Variants in DENND3 observed in about 807,000 individuals in gnomAD.
DENND3 encodes the protein DENN domain containing 3.
In DENND3, 88 loss-of-function variants were observed where a neutral mutation model predicts 135.1. The observed-to-expected ratio is 0.65, with a 90% confidence interval of 0.55 to 0.78. The LOEUF is 0.78. Among genes scored for constraint, DENND3 ranks in the 30% least tolerant of loss-of-function variants. DENND3 has a pLI of 0.00. For synonymous variants in DENND3, 693 were observed against 712.3 expected (o/e 0.97, Z 0.43); for missense variants, 1,392 against 1,688.4 (o/e 0.82, Z 3.08).
At chr8:141,143,515 C>T (rs747773814) in intron 4 of DENND3, among the ~76,000 whole-genome samples, 16 of 152,166 alleles carry the variant, frequency 1.1e-4, no homozygotes, top group Non-Finnish European at 2.2e-4. Flanking sequence ...AGTGATCCTC[C>T]CAGCTCTGTC....
intron 1 of DENND3, among the ~76,000 whole-genome samples, chr8:141,134,903 T>C (rs1170427754): frequency 6.6e-6 from 1 of 151,608 alleles, no homozygotes; most frequent in Non-Finnish European, 1.5e-5. Context: ...AGATCTCGGC[T>C]CACTGCAAGC....
chr8:141,177,513 T>C (rs1164648908), intron 15 of DENND3: 1 of 152,664 alleles, frequency 6.6e-6, no homozygotes, highest in Non-Finnish European at 1.5e-5. Flanking sequence ...GAGGAACAGA[T>C]GGGGCCACAG....
chr8:141,140,127 G>A (rs569893224), intron 3 of DENND3, among the ~76,000 whole-genome samples: 1 of 152,202 alleles, frequency 6.6e-6, no homozygotes, highest in East Asian at 1.9e-4. Context: ...TGCCCATGCT[G>A]ATCTTGAACT....
intron 22 of DENND3, chr8:141,192,869 C>T: frequency 2.0e-6 from 3 of 1,519,850 alleles, no homozygotes; most frequent in Non-Finnish European, 2.6e-6. Context: ...GGTCCAAGCA[C>T]TCCACAGCGC....
rs1279133324 is a variant in DENND3 at position 141,146,279 on chromosome 8, T to C, written c.735+2020T>C. ...ATGAACAGGCAAACATTTCCCAGGC[T>C]GGTTTTTTTTCTGAGAGATGTTATT... On this transcript the variant is annotated intron_variant, in intron 5 of 22. Coordinates refer to ENST00000519811, the MANE Select transcript of DENND3 (RefSeq NM_001352890.3). The surrounding 1 kb of genome is among the most constrained non-coding windows in gnomAD (Gnocchi z 4.3). Among the ~76,000 whole-genome samples the C allele has an allele frequency of 6.6e-6, 1 of 152,232 alleles. No individual in the cohort carries two copies. The highest frequency in any genetic ancestry group is 1.9e-4 in the East Asian group (1 of 5,202).
In DENND3 at chr8:141,137,975, G is replaced by C. The variant is rs369624602; in HGVS notation, c.386-47G>C. ...AGAAATCAGCTCGTGGGTAACCCAG[G>C]CCACTTGGCAAGAACAGGATTCTTC... On this transcript the variant is annotated intron_variant, in intron 2 of 22. Transcript: ENST00000519811. The surrounding 1 kb of genome is among the most constrained non-coding windows in gnomAD (Gnocchi z 4.1). 6.4e-7 allele frequency: 1 copy of C among 1,550,748 alleles called. No individual in the cohort carries two copies.
chr8:141,180,746 G>C lies in DENND3; in HGVS notation c.2837-1G>C. 4.3e-6 allele frequency: 7 copies of C among 1,612,056 alleles called. No homozygotes were observed. Among genetic ancestry groups the C allele is most frequent in the Non-Finnish European group, 5.9e-6 (7 of 1,179,026 alleles). ...AACACTCCAAGTGTCTTGTCTTTCAGTGCCCATGACGCTTCCGGAGACAAC... is the reference window on the plus strand; with the variant it reads ...AACACTCCAAGTGTCTTGTCTTTCACTGCCCATGACGCTTCCGGAGACAAC... On this transcript the variant is annotated splice_acceptor_variant, in intron 16 of 22. Coordinates refer to ENST00000519811, the MANE Select transcript of DENND3 (RefSeq NM_001352890.3). LOFTEE classifies it high-confidence loss of function.
intron 18 of DENND3, 106 bp downstream of exon 18, chr8:141,185,384 C>A: frequency 6.9e-7 from 1 of 1,448,642 alleles, no homozygotes; most frequent in South Asian, 1.4e-5. Flanking sequence ...ATTCCACAGC[C>A]TCACTCGGTT....
intron 19 of DENND3, among the ~76,000 whole-genome samples, 194 bp from the exon 20 acceptor site, chr8:141,190,090 T>C (rs1364552847): frequency 7.9e-6 from 1 of 126,442 alleles, no homozygotes; most frequent in Non-Finnish European, 1.7e-5. Context: ...ATTCATAGCA[T>C]GTTTGCATGT....
At chr8:141,147,594 C>T (rs1004225244) in intron 5 of DENND3, among the ~76,000 whole-genome samples, 7 of 152,374 alleles carry the variant, frequency 4.6e-5, no homozygotes, top group African/African-American at 9.6e-5. Context: ...GTCAGGTCTT[C>T]GGATCGTCTT....
At position 141,190,287 on chromosome 8, in the gene DENND3, CGTG is replaced by C; in HGVS notation, c.3250_3252del (p.Val1084del). The C allele has an allele frequency of 1.3e-6, 2 of 1,589,850 alleles. No individual in the cohort carries two copies. Among genetic ancestry groups the C allele is most frequent in the Non-Finnish European group, 1.7e-6 (2 of 1,166,504 alleles). On this transcript the variant is annotated inframe_deletion, in exon 20 of 23. Transcript: ENST00000519811. ...TGTGTGTGTTTTGTGCCCCCAGCAA[CGTG>C]TACTCGTGCAGCATGGACGGCATGG...
intron 5 of DENND3, among the ~76,000 whole-genome samples, chr8:141,147,931 G>C (rs535772483): frequency 1.1e-4 from 16 of 152,292 alleles, no homozygotes; most frequent in Non-Finnish European, 5.9e-5. Context: ...AGTCTGTATC[G>C]GGCTTGACTC....
intron 7 of DENND3, 149 bp from the exon 8 acceptor site, chr8:141,155,700 C>G: frequency 9.6e-7 from 1 of 1,040,700 alleles, no homozygotes. Flanking sequence ...AGTCACTGCA[C>G]CCGGCCTATG....
intron 9 of DENND3, 54 bp downstream of exon 9, chr8:141,160,841 A>G (rs952619754): frequency 4.0e-5 from 62 of 1,566,356 alleles, no homozygotes; most frequent in Non-Finnish European, 5.4e-5. Flanking sequence ...CCAGCCATCC[A>G]TTCTATGGGG....
intron 15 of DENND3, 151 bp from the exon 16 acceptor site, chr8:141,177,916 A>G: frequency 1.0e-6 from 1 of 1,000,928 alleles, no homozygotes; most frequent in Non-Finnish European, 1.4e-6. Context: ...AATATATGAC[A>G]TAAAATCCAA....
At chr8:141,164,859 T>A (rs1820571644) in intron 10 of DENND3, among the ~76,000 whole-genome samples, 1 of 152,208 alleles carries the variant, frequency 6.6e-6, no homozygotes. Flanking sequence ...TTTATCGAGT[T>A]TCCTCATAGT....
In DENND3 at chr8:141,130,061, G is replaced by A. The variant is rs1300048309; in HGVS notation, c.102+1252G>A. ...AGATGGCATCTCCTCCTTTTTCTTC[G>A]AATAGGAAGTGACCTAGTTGCCGCT... On this transcript the variant is annotated intron_variant, in intron 1 of 22. Transcript: ENST00000519811. The surrounding 1 kb of genome is among the most constrained non-coding windows in gnomAD (Gnocchi z 4.2). The A allele has an allele frequency of 2.0e-5, 3 of 152,004 alleles. No individual in the cohort carries two copies. The highest frequency in any genetic ancestry group is 2.9e-5 in the Non-Finnish European group (2 of 68,022). The allele number at this position is 152,004 out of a possible 1,614,324, so 9.4% of individuals were successfully genotyped here.
chr8:141,162,232 A>G (rs1164465520), intron 9 of DENND3, among the ~76,000 whole-genome samples: 1 of 152,202 alleles, frequency 6.6e-6, no homozygotes, highest in Middle Eastern at 3.2e-3. Flanking sequence ...TGGGGTCCTA[A>G]ATATGTTGTT....
At chr8:141,129,355 G>A (rs779915303) in intron 1 of DENND3, among the ~76,000 whole-genome samples, 4 of 152,148 alleles carry the variant, frequency 2.6e-5, no homozygotes, top group Non-Finnish European at 4.4e-5. Context: ...CGCCGGCCTC[G>A]CGTATTCTGC....
Sources: gnomAD v4.1 joint callset for allele counts (sites outside exome capture counted in the v4.1 genomes callset) on GRCh38, gnomAD v4.1.1 for gene constraint, Gnocchi (gnomAD v3.1) non-coding constraint, MANE v1.5 for transcripts, NCBI Gene and HGNC (gene_info 2026-07-23, HGNC 2026-07-21) for gene names.